The following MGAT4C variants were observed in gnomAD, a reference collection of about 807,000 sequenced individuals.
The protein encoded by MGAT4C is MGAT4 family member C.
MGAT4C carries 19 observed loss-of-function variants against 40.1 expected under a neutral mutation model. The observed-to-expected ratio is 0.47, with a 90% CI of 0.33 to 0.70. MGAT4C has a LOEUF of 0.70. Ranked by LOEUF, MGAT4C falls within the 30% of genes least tolerant of loss-of-function variation. MGAT4C has a pLI of 0.02. For synonymous variants in MGAT4C, 181 were observed against 187.1 expected, an observed-to-expected ratio of 0.97 and a Z score of 0.27; for missense variants, 491 against 563.2, an observed-to-expected ratio of 0.87 and a Z score of 1.30.
At chr12:86,249,475 T>G (rs535756547) in intron 1 of MGAT4C, among the ~76,000 whole-genome samples, 1 of 152,312 alleles carries the variant, frequency 6.6e-6, no homozygotes, top group African/African-American at 2.4e-5. Context: ...GCTTCTTACC[T>G]CTTTTAGGAA....
At chr12:86,824,062 C>G (rs1011572758) in intron 1 of MGAT4C, among the ~76,000 whole-genome samples, 15 of 151,264 alleles carry the variant, frequency 9.9e-5, no homozygotes, top group African/African-American at 3.1e-4. Flanking sequence ...TGTCCTGCAC[C>G]ATCCTACCCA....
chr12:86,717,313 T>C (rs1356684302), intron 2 of MGAT4C, among the ~76,000 whole-genome samples: 1 of 152,050 alleles, frequency 6.6e-6, no homozygotes, highest in Admixed American at 6.6e-5. Flanking sequence ...AGAAATATCA[T>C]GTCAATAATT....
chr12:86,761,353 G>A (rs1951402450), intron 1 of MGAT4C, among the ~76,000 whole-genome samples: 1 of 152,114 alleles, frequency 6.6e-6, no homozygotes, highest in Admixed American at 6.5e-5. Context: ...ATTATTATGG[G>A]TTAAGTGTAA....
intron 2 of MGAT4C, among the ~76,000 whole-genome samples, chr12:86,028,777 G>A (rs894027091): frequency 6.6e-6 from 1 of 151,804 alleles, no homozygotes; most frequent in Non-Finnish European, 1.5e-5. Context: ...ATAAAGATTG[G>A]GGGTAGGATT....
At chr12:86,308,426 G>T (rs1417641493) in intron 4 of MGAT4C, among the ~76,000 whole-genome samples, 1 of 150,184 alleles carries the variant, frequency 6.7e-6, no homozygotes, top group Non-Finnish European at 1.5e-5. Context: ...ATCTCTTAAG[G>T]CTTATTACCA....
chr12:86,780,086 A>T lies in MGAT4C; in HGVS notation c.-261-52845T>A, dbSNP rs60123485. Among the ~76,000 whole-genome samples the T allele has an allele frequency of 9.0e-3, 1,363 of 152,112 alleles. 14 individuals are homozygous for T. The highest frequency in any genetic ancestry group is 0.031 in the African/African-American group (1,306 of 41,524). ...TTTTTTAATTATAGACTTATATTCA[A>T]CCTCAAAACTTGAAAGAACGTTTAT... On this transcript the variant is annotated intron_variant, in intron 1 of 7. Coordinates refer to the MGAT4C transcript ENST00000548651.
chr12:86,227,448 C>A (rs567464320), intron 1 of MGAT4C, among the ~76,000 whole-genome samples: 1 of 152,014 alleles, frequency 6.6e-6, no homozygotes, highest in African/African-American at 2.4e-5. Flanking sequence ...CAGTTCAGCA[C>A]TTCAAAGCAT....
intron 2 of MGAT4C, among the ~76,000 whole-genome samples, chr12:86,702,275 G>A (rs1042778918): frequency 9.3e-5 from 14 of 151,034 alleles, no homozygotes; most frequent in South Asian, 2.1e-4. Context: ...GAATTTCTGC[G>A]CTCAAGCAGT....
At chr12:86,369,079 C>T (rs1199090468) in intron 3 of MGAT4C, among the ~76,000 whole-genome samples, 5 of 152,056 alleles carry the variant, frequency 3.3e-5, no homozygotes, top group Non-Finnish European at 7.4e-5. Flanking sequence ...GAATATTATA[C>T]ATTTCTTTTG....
intron 1 of MGAT4C, among the ~76,000 whole-genome samples, chr12:86,191,730 A>T: frequency 7.8e-6 from 1 of 128,582 alleles, no homozygotes; most frequent in Admixed American, 7.9e-5. Context: ...CTTATGGGTT[A>T]AGTTTGCTAC....
intron 1 of MGAT4C, among the ~76,000 whole-genome samples, chr12:86,818,906 A>G (rs920089324): frequency 1.3e-5 from 2 of 151,136 alleles, no homozygotes; most frequent in East Asian, 1.9e-4. Context: ...GTAAATAAGC[A>G]TATGAATAAA....
chr12:86,049,777 T>C, intron 1 of MGAT4C, 54 bp from the exon 2 acceptor site: 4 of 665,142 alleles, frequency 6.0e-6, no homozygotes, highest in Non-Finnish European at 7.4e-6. Flanking sequence ...TTCTTGCTGA[T>C]AAAAGTAAAA....
At chr12:86,106,067 C>T (rs1176676361) in intron 1 of MGAT4C, among the ~76,000 whole-genome samples, 1 of 152,150 alleles carries the variant, frequency 6.6e-6, no homozygotes, top group Non-Finnish European at 1.5e-5. Context: ...CCAAACTTCT[C>T]ACAAATTCCT....
intron 2 of MGAT4C, among the ~76,000 whole-genome samples, chr12:86,494,542 A>C (rs1958202802): frequency 6.6e-6 from 1 of 151,766 alleles, no homozygotes; most frequent in African/African-American, 2.4e-5. Flanking sequence ...AAAGAAATAT[A>C]TTTTATTTAG....
chr12:86,514,298 C>T (rs1958645952), intron 2 of MGAT4C, among the ~76,000 whole-genome samples: 1 of 152,078 alleles, frequency 6.6e-6, no homozygotes, highest in Admixed American at 6.6e-5. Flanking sequence ...AACAACAAAC[C>T]TTGCCAGAGG....
At chr12:86,629,546 A>C (rs918392129) in intron 2 of MGAT4C, among the ~76,000 whole-genome samples, 1 of 152,192 alleles carries the variant, frequency 6.6e-6, no homozygotes, top group Non-Finnish European at 1.5e-5. Context: ...AAATCACAAC[A>C]AACTGTCTCT....
intron 4 of MGAT4C, among the ~76,000 whole-genome samples, chr12:86,304,322 AGTT>A (rs1048977471): frequency 1.2e-4 from 18 of 150,714 alleles, no homozygotes; most frequent in East Asian, 5.8e-4. Flanking sequence ...TTGTGAAACA[AGTT>A]GTTGTTATTT....
At chr12:86,774,295 C>CTT (rs377527703) in intron 1 of MGAT4C, among the ~76,000 whole-genome samples, 15 of 31,664 alleles carry the variant, frequency 4.7e-4, no homozygotes, top group South Asian at 1.9e-3. Context: ...TTCTTTCTTT[C>CTT]TTTCTTTCTT....
At chr12:86,420,872 T>TAC (rs1468989432) in intron 3 of MGAT4C, among the ~76,000 whole-genome samples, 1 of 146,600 alleles carries the variant, frequency 6.8e-6, no homozygotes, top group African/African-American at 2.5e-5. Context: ...TGTATATATA[T>TAC]ACATACATGT....
Sources: gnomAD v4.1 joint callset for allele counts (sites outside exome capture counted in the v4.1 genomes callset) on GRCh38, gnomAD v4.1.1 for gene constraint, MANE v1.5 for transcripts, NCBI Gene and HGNC (gene_info 2026-07-23, HGNC 2026-07-21) for gene names.